CSMD1: variants seen among roughly 807,000 people sequenced by gnomAD.
CSMD1 encodes the protein CUB and Sushi multiple domains 1, also known as CUB and sushi domain-containing protein 1.
In CSMD1, 213 loss-of-function variants were observed where a neutral mutation model predicts 417.5. That is an observed-to-expected ratio of 0.51 (90% CI 0.46 to 0.57). The LOEUF is 0.57. Ranked by LOEUF, CSMD1 falls within the 20% of genes least tolerant of loss-of-function variation. CSMD1 has a pLI of 0.00. For missense variants in CSMD1, 6,923 were observed against 4,529.7 expected (o/e 1.53, Z -15.17); for synonymous variants, 2,862 against 1,736.8 (o/e 1.65, Z -16.11).
At chr8:3,037,907 A>G (rs908884176) in intron 50 of CSMD1, among the ~76,000 whole-genome samples, 2 of 152,024 alleles carry the variant, frequency 1.3e-5, no homozygotes, top group African/African-American at 4.8e-5. Flanking sequence ...CCTTCATAAC[A>G]CTGTCATATT....
At chr8:3,372,849 T>G (rs533944333) in intron 18 of CSMD1, among the ~76,000 whole-genome samples, 2 of 152,146 alleles carry the variant, frequency 1.3e-5, no homozygotes, top group Admixed American at 6.5e-5. Context: ...CCAGTGGCAG[T>G]GAATGTAGAA....
chr8:3,574,481 A>C (rs577393900), intron 10 of CSMD1, among the ~76,000 whole-genome samples: 2 of 152,276 alleles, frequency 1.3e-5, no homozygotes, highest in East Asian at 3.9e-4. Context: ...TCCTGACCTC[A>C]AGTGATCCAC....
At chr8:4,166,670 G>T (rs939578315) in intron 3 of CSMD1, among the ~76,000 whole-genome samples, 1 of 152,100 alleles carries the variant, frequency 6.6e-6, no homozygotes, top group Non-Finnish European at 1.5e-5. Context: ...CTGCTGGGGT[G>T]ATGGGTGCAC....
intron 2 of CSMD1, among the ~76,000 whole-genome samples, chr8:4,451,224 G>A (rs1037440554): frequency 6.6e-6 from 1 of 152,096 alleles, no homozygotes; most frequent in Non-Finnish European, 1.5e-5. Context: ...TCAACTACTT[G>A]GGAGGCTAAG....
At chr8:3,677,504 C>G (rs970846669) in intron 7 of CSMD1, among the ~76,000 whole-genome samples, 2 of 152,168 alleles carry the variant, frequency 1.3e-5, no homozygotes, top group African/African-American at 4.8e-5. Flanking sequence ...TCAGGAGACA[C>G]AGGGAATGCC....
At chr8:3,820,899 T>C (rs1299797659) in intron 5 of CSMD1, among the ~76,000 whole-genome samples, 1 of 152,082 alleles carries the variant, frequency 6.6e-6, no homozygotes, top group Non-Finnish European at 1.5e-5. Flanking sequence ...CTTAAGGACC[T>C]GCCTGAGGGT....
chr8:4,505,350 A>C (rs894493270), intron 2 of CSMD1, among the ~76,000 whole-genome samples: 4 of 152,348 alleles, frequency 2.6e-5, no homozygotes, highest in Middle Eastern at 6.8e-3. Context: ...AATTTTACTC[A>C]GAGATCACTG....
At chr8:3,773,044 G>A (rs1439568830) in intron 5 of CSMD1, among the ~76,000 whole-genome samples, 2 of 152,130 alleles carry the variant, frequency 1.3e-5, no homozygotes, top group African/African-American at 2.4e-5. Flanking sequence ...CATGACAGAA[G>A]GGAAGAAGGG....
chr8:3,551,259 A>G (rs1047880339), intron 10 of CSMD1, among the ~76,000 whole-genome samples: 3 of 152,208 alleles, frequency 2.0e-5, no homozygotes, highest in African/African-American at 7.2e-5. Flanking sequence ...ATTAACTAAT[A>G]TCTTGTGGCA....
intron 47 of CSMD1, among the ~76,000 whole-genome samples, chr8:3,096,476 C>G (rs760475382): frequency 1.3e-5 from 2 of 152,158 alleles, no homozygotes; most frequent in Admixed American, 6.6e-5. Context: ...TTCTCTCTCT[C>G]TGTCTCTCAT....
At chr8:4,667,164 T>C (rs926909853) in intron 1 of CSMD1, among the ~76,000 whole-genome samples, 1 of 152,184 alleles carries the variant, frequency 6.6e-6, no homozygotes, top group African/African-American at 2.4e-5. Context: ...CGGCCACATA[T>C]ATGTAGGCCT....
At chr8:3,686,991 G>C (rs919056303) in intron 7 of CSMD1, among the ~76,000 whole-genome samples, 1 of 152,188 alleles carries the variant, frequency 6.6e-6, no homozygotes, top group Admixed American at 6.5e-5. Context: ...AACGTATCAG[G>C]ACATTCAGGA....
intron 2 of CSMD1, among the ~76,000 whole-genome samples, chr8:4,507,090 T>A (rs1802569094): frequency 6.6e-6 from 1 of 152,166 alleles, no homozygotes; most frequent in African/African-American, 2.4e-5. Context: ...ATTACCTTGA[T>A]TCCTGTTTAT....
At chr8:3,613,355 T>C (rs1390948287) in intron 8 of CSMD1, 6 of 386,110 alleles carry the variant, frequency 1.6e-5, no homozygotes, top group Non-Finnish European at 2.5e-5. Context: ...TATTAACAAT[T>C]ATACACAAAC....
chr8:3,652,682 G>C (rs1797918228), intron 7 of CSMD1, among the ~76,000 whole-genome samples: 1 of 152,124 alleles, frequency 6.6e-6, no homozygotes, highest in South Asian at 2.1e-4. Flanking sequence ...GGAACAGTAT[G>C]GGGGAAACTG....
intron 51 of CSMD1, among the ~76,000 whole-genome samples, chr8:3,022,186 C>G (rs888058536): frequency 5.3e-5 from 8 of 151,146 alleles, no homozygotes; most frequent in African/African-American, 1.7e-4. Context: ...GGCAATCCCA[C>G]AGCATCCGGA....
At chr8:3,306,543 C>G (rs987720878) in intron 25 of CSMD1, among the ~76,000 whole-genome samples, 6 of 152,060 alleles carry the variant, frequency 3.9e-5, no homozygotes, top group African/African-American at 1.2e-4. Context: ...TTCATTTAGT[C>G]TTTTGTGGGT....
At chr8:3,318,146 A>G (rs1805901387) in intron 23 of CSMD1, among the ~76,000 whole-genome samples, 1 of 152,220 alleles carries the variant, frequency 6.6e-6, no homozygotes, top group African/African-American at 2.4e-5. Context: ...CCTGATGATG[A>G]AGCTAGTAAA....
At chr8:3,742,615 C>T (rs1301346953) in intron 6 of CSMD1, among the ~76,000 whole-genome samples, 1 of 152,150 alleles carries the variant, frequency 6.6e-6, no homozygotes, top group Admixed American at 6.5e-5. Context: ...AGGACGTGCC[C>T]AGGTCCACTT....
Sources: gnomAD v4.1 joint callset for allele counts (sites outside exome capture counted in the v4.1 genomes callset) on GRCh38, gnomAD v4.1.1 for gene constraint, MANE v1.5 for transcripts, NCBI Gene and HGNC (gene_info 2026-07-23, HGNC 2026-07-21) for gene names.